Variants in NAALADL1 observed in about 807,000 individuals in gnomAD.
NAALADL1 encodes aminopeptidase NAALADL1.
Under a neutral mutation model 82.8 loss-of-function variants are expected in NAALADL1, and 77 were observed. The ratio of observed to expected loss-of-function variants is 0.93; its 90% CI spans 0.77 to 1.12. The LOEUF (loss-of-function observed/expected upper bound fraction) is 1.12. NAALADL1 is among the 50% of genes most tolerant of loss of function. The probability of loss-of-function intolerance (pLI) is 0.00; values close to 1 mark genes in which losing one functional copy is unlikely to be tolerated. For missense variants in NAALADL1, 956 were observed against 964.0 expected (o/e 0.99, Z 0.11); for synonymous variants, 358 against 399.2 (o/e 0.90, Z 1.23).
intron 15 of NAALADL1, 31 bp downstream of exon 15, chr11:65,046,158 C>T (rs1291630786): frequency 6.2e-7 from 1 of 1,614,066 alleles, no homozygotes; most frequent in Non-Finnish European, 8.5e-7. Flanking sequence ...GTGCAGGGCT[C>T]CCCATACCTC....
At chr11:65,046,139 G>C (rs1337824243) in intron 15 of NAALADL1, 25 bp from the exon 16 acceptor site, 3 of 1,614,134 alleles carry the variant, frequency 1.9e-6, no homozygotes, top group African/African-American at 2.7e-5. Flanking sequence ...CAGTGGCTCA[G>C]TCATGGGGGT....
Position 65,045,551 on chromosome 11 carries a change from C to T in NAALADL1, c.2037-94G>A, listed in dbSNP as rs528095353. On this transcript the variant is annotated intron_variant, in intron 17 of 17. Transcript: ENST00000358658. ...GAACTGGCTCAGCTCCTGTACGCAG[C>T]GAGGCAGAAAAGCACCCCCGTCCAC... 109 of 1,347,318 alleles carry T rather than the reference C, an allele frequency of 8.1e-5. No homozygotes were observed. The African/African-American group carries it at 1.4e-3, about 18-fold the overall frequency. 83.5% of individuals were successfully genotyped at this position (1,347,318 alleles called of 1,614,324 possible). A position where few individuals can be genotyped will look rare whatever the true frequency, so the allele number is the denominator to read the frequency against.
At chr11:65,052,688 G>A (rs577485156) in intron 8 of NAALADL1, among the ~76,000 whole-genome samples, 1 of 152,134 alleles carries the variant, frequency 6.6e-6, no homozygotes, top group African/African-American at 2.4e-5. Flanking sequence ...ACAACCCTTG[G>A]ACTGAACTCC....
chr11:65,049,384 C>T (rs1221149027), intron 8 of NAALADL1, among the ~76,000 whole-genome samples: 1 of 152,090 alleles, frequency 6.6e-6, no homozygotes, highest in East Asian at 1.9e-4. Flanking sequence ...ACAATTTTTT[C>T]TGCCAAAAAT....
rs548545074 is a variant in NAALADL1 at position 65,053,044 on chromosome 11, C to T, written c.1198+174G>A. Among the ~76,000 whole-genome samples the T allele has an allele frequency of 1.3e-5, 2 of 152,386 alleles. No homozygotes were observed. The highest frequency in any genetic ancestry group is 2.9e-5 in the Non-Finnish European group (2 of 68,044). On this transcript the variant is annotated intron_variant, in intron 8 of 17. Coordinates refer to ENST00000358658, the MANE Select transcript of NAALADL1 (RefSeq NM_005468.3). This position sits in a 1 kb window ranked among gnomAD's most constrained non-coding sequence, Gnocchi z 4.3. ...AGCGGCACATGAATCAACCCACAGT[C>T]TATTCCCTGTACCACACTGGGCTGC... is the stretch of plus-strand genomic sequence containing the variant.
Position 65,045,877 on chromosome 11 carries a change from G to C in NAALADL1, c.1981C>G (p.Leu661Val), listed in dbSNP as rs978148747. The C allele has an allele frequency of 1.1e-5, 18 of 1,614,030 alleles. No homozygotes were observed. The highest frequency in any genetic ancestry group is 1.3e-5 in the Non-Finnish European group (15 of 1,180,010). Residue 661 changes from leucine to valine, a missense_variant, in exon 17 of 18, where the codon CTC becomes GTC. Physicochemically the swap from Leu to Val is conservative, Grantham distance 32. Transcript: ENST00000358658. ...GGGTTCAGAAAGGTCCGTTCCAAGA[G>C]CATCAACTGGTCATTGAGCATCCGG... The part of the protein sequence containing the change: ...QVRMLNDQLM[L>V]LERTFLNPRA...
upstream of NAALADL1, among the ~76,000 whole-genome samples, chr11:65,061,026 C>T (rs1039879006): frequency 6.6e-6 from 1 of 152,150 alleles, no homozygotes; most frequent in African/African-American, 2.4e-5. Flanking sequence ...GTTTGAGGCC[C>T]TGGAAGCCCT....
chr11:65,056,665 G>A (rs562794450), intron 4 of NAALADL1, among the ~76,000 whole-genome samples: 3 of 149,350 alleles, frequency 2.0e-5, no homozygotes, highest in Non-Finnish European at 3.0e-5. Flanking sequence ...CCTTGGCCCC[G>A]CAAAGTGCTA....
At position 65,057,955 on chromosome 11, in the gene NAALADL1, C is replaced by T; in HGVS notation, c.400G>A (p.Glu134Lys). ...CCTTGCTCCCCGGTCACGTTCTCCTCAGTCCGGTGGCAGGAGTGGATGATG... is the reference window on the plus strand; with the variant it reads ...CCTTGCTCCCCGGTCACGTTCTCCTTAGTCCGGTGGCAGGAGTGGATGATG... ...GGIIHSCHRTEENVTGEQGGP... is the reference protein window; with the variant it reads ...GGIIHSCHRTKENVTGEQGGP... Residue 134 changes from glutamate (E) to lysine (K), a missense_variant, in exon 3 of 18, where the codon GAG becomes AAG. Glu to Lys is a moderately conservative substitution (Grantham distance 56, BLOSUM62 1). Transcript: ENST00000358658. 1 of 1,614,174 alleles carries T rather than the reference C, an allele frequency of 6.2e-7. No individual in the cohort carries two copies. Among genetic ancestry groups the T allele is most frequent in the Non-Finnish European group, 8.5e-7 (1 of 1,180,014 alleles).
chr11:65,057,786 T>C (rs967629090), intron 3 of NAALADL1, 89 bp downstream of exon 3: 2 of 1,576,382 alleles, frequency 1.3e-6, no homozygotes, highest in Non-Finnish European at 1.7e-6. Flanking sequence ...GTGCCCCAGT[T>C]GAGGCACGTT....
chr11:65,048,468 G>A, intron 8 of NAALADL1, 83 bp from the exon 9 acceptor site: 1 of 1,490,200 alleles, frequency 6.7e-7, no homozygotes, highest in Non-Finnish European at 9.3e-7. Context: ...GACGTGAGGA[G>A]GGGAGAGCGG....
intron 4 of NAALADL1, among the ~76,000 whole-genome samples, chr11:65,055,622 G>T (rs1590770929): frequency 6.6e-6 from 1 of 152,262 alleles, no homozygotes; most frequent in East Asian, 1.9e-4. Context: ...AATTCATAGA[G>T]ACAGAAAGTA....
intron 8 of NAALADL1, among the ~76,000 whole-genome samples, chr11:65,049,345 T>C (rs773696472): frequency 4.6e-5 from 7 of 152,164 alleles, no homozygotes; most frequent in Non-Finnish European, 8.8e-5. Flanking sequence ...CAGTGTGATG[T>C]GATTACACGC....
In NAALADL1 at chr11:65,045,462, C is replaced by T; in HGVS notation, c.2037-5G>A. ...CGAGGTGCCCAGAGCACATGGCTGA[C>T]AAGAGAAATGGGACAGGATCAGGGT... On this transcript the variant is annotated splice_polypyrimidine_tract_variant and splice_region_variant and intron_variant, in intron 17 of 17. Transcript: ENST00000358658. 6.3e-7 allele frequency: 1 copy of T among 1,596,528 alleles called. No homozygotes were observed. Among genetic ancestry groups the T allele is most frequent in the Non-Finnish European group, 8.6e-7 (1 of 1,169,202 alleles).
chr11:65,053,367 G>A lies in NAALADL1; in HGVS notation c.1079-30C>T. 6.2e-7 allele frequency: 1 copy of A among 1,606,230 alleles called. No homozygotes were observed. Among genetic ancestry groups the A allele is most frequent in the South Asian group, 1.1e-5 (1 of 90,106 alleles). ...CCAGAGGAAAAGGGGCAGAGAACCA[G>A]AGGAGAGGGAGAGGTGGGCAGGGGG... On this transcript the variant is annotated intron_variant, in intron 7 of 17. Coordinates refer to ENST00000358658, the MANE Select transcript of NAALADL1 (RefSeq NM_005468.3). The surrounding 1 kb of genome is among the most constrained non-coding windows in gnomAD (Gnocchi z 4.3).
chr11:65,060,566 C>A (rs1947170290), upstream of NAALADL1, among the ~76,000 whole-genome samples: 1 of 152,114 alleles, frequency 6.6e-6, no homozygotes, highest in South Asian at 2.1e-4. Flanking sequence ...CATGTGAAGT[C>A]ACAAACAGGA....
rs1160266724 is a variant in NAALADL1, at chr11:65,045,323, A to G, written c.2171T>C (p.Val724Ala). The G allele has an allele frequency of 1.2e-6, 2 of 1,611,058 alleles. No individual in the cohort carries two copies. Among genetic ancestry groups the G allele is most frequent in the Non-Finnish European group, 1.7e-6 (2 of 1,178,744 alleles). The change falls in exon 18 of 18, where the codon GTG becomes GCG. Residue 724 changes from valine (V) to alanine (A), a missense_variant. Transcript: ENST00000358658. ...GGCTGCCGCACCCTCCAGGGCTGTC[A>G]CCACAATGCTGAGCTGTCTCTGGAC... is the stretch of plus-strand genomic sequence containing the variant. ...AEVQRQLSIV[V>A]TALEGAAATL...
Position 65,058,149 on chromosome 11 carries a change from G to A in NAALADL1, c.287C>T (p.Ser96Leu), listed in dbSNP as rs4930695. 7.4e-6 allele frequency: 12 copies of A among 1,613,830 alleles called. No individual in the cohort carries two copies. The highest frequency in any genetic ancestry group is 3.3e-5 in the South Asian group (3 of 91,070). ...RWKDPESGLD[S>L]AEASTYEVLL... Reference sequence around the variant, plus strand: ...CACTTCGTACGTGGAGGCCTCGGCCGAGTCCAGGCCTGACTCTGGGTCCTT... The same window carrying A: ...CACTTCGTACGTGGAGGCCTCGGCCAAGTCCAGGCCTGACTCTGGGTCCTT... Residue 96 changes from serine to leucine, a missense_variant, in exon 2 of 18, where the codon TCG becomes TTG. Physicochemically the swap from Ser to Leu is moderately radical, Grantham distance 145. Coordinates refer to ENST00000358658, the MANE Select transcript of NAALADL1 (RefSeq NM_005468.3).
Position 65,057,469 on chromosome 11 carries a change from C to T in NAALADL1, c.505G>A (p.Gly169Ser), listed in dbSNP as rs1351386916. The change falls in exon 4 of 18, where the codon GGC becomes AGC. Residue 169 changes from glycine to serine, a missense_variant. Coordinates refer to ENST00000358658, the MANE Select transcript of NAALADL1 (RefSeq NM_005468.3). Reference sequence around the variant, plus strand: ...AGCTCCTTAAAGTCTTCTTCCGCGCCCCGGTTGGCATAGACGAGGAGGCCC... The same window carrying T: ...AGCTCCTTAAAGTCTTCTTCCGCGCTCCGGTTGGCATAGACGAGGAGGCCC... ...PQGLLVYANR[G>S]AEEDFKELQT... 2 of 1,614,028 alleles carry T rather than the reference C, an allele frequency of 1.2e-6. No individual in the cohort carries two copies. Among genetic ancestry groups the T allele is most frequent in the East Asian group, 4.5e-5 (2 of 44,882 alleles).
Sources: allele counts gnomAD v4.1 joint callset (sites outside exome capture counted in the v4.1 genomes callset), GRCh38; gene constraint gnomAD v4.1.1; non-coding constraint Gnocchi (gnomAD v3.1); transcripts MANE v1.5; gene names NCBI Gene and HGNC (gene_info 2026-07-23, HGNC 2026-07-21).